Variants in CATSPERE observed in about 807,000 individuals in gnomAD.
The protein encoded by CATSPERE is catsper channel auxiliary subunit epsilon, also known as cation channel sperm-associated auxiliary subunit epsilon.
In CATSPERE, 93 loss-of-function variants were observed where a neutral mutation model predicts 114.1. That is an observed-to-expected ratio of 0.81 (90% CI 0.69 to 0.97). The LOEUF (loss-of-function observed/expected upper bound fraction) is 0.97. CATSPERE is among the 50% of genes least tolerant of loss of function. The pLI, the probability that CATSPERE is intolerant of heterozygous loss-of-function variation, is 0.00. For missense variants in CATSPERE, 1,058 were observed against 1,131.6 expected, an observed-to-expected ratio of 0.93 and a Z score of 0.93; for synonymous variants, 341 against 384.1, an observed-to-expected ratio of 0.89 and a Z score of 1.31.
At chr1:244,517,616 A>G (rs1676850932) in intron 7 of CATSPERE, among the ~76,000 whole-genome samples, 1 of 151,596 alleles carries the variant, frequency 6.6e-6, no homozygotes, top group Non-Finnish European at 1.5e-5. Context: ...TACCAAATAT[A>G]AAAAAAATTA....
rs1338167389 is a variant in CATSPERE, at chr1:244,601,791, A to G, written c.2304-3904A>G. ...AACATGGTGAAACCCCGTCTCTACT[A>G]AAAACATAGAAATTAGCCGGGCGTG... is the stretch of plus-strand genomic sequence containing the variant. On this transcript the variant is annotated intron_variant, in intron 17 of 21. Coordinates refer to ENST00000366534, the MANE Select transcript of CATSPERE (RefSeq NM_001130957.2). Among the ~76,000 whole-genome samples, 11 of 152,222 alleles carry G rather than the reference A, an allele frequency of 7.2e-5. No homozygotes were observed. In the East Asian group the frequency reaches 1.9e-3, roughly 27 times the overall value.
chr1:244,543,984 G>T (rs1659315513), intron 8 of CATSPERE, among the ~76,000 whole-genome samples: 1 of 151,954 alleles, frequency 6.6e-6, no homozygotes, highest in Non-Finnish European at 1.5e-5. Flanking sequence ...CAACATGAAA[G>T]TCAGATACCT....
chr1:244,461,621 T>G, intron 1 of CATSPERE, 127 bp downstream of exon 1: 2 of 680,314 alleles, frequency 2.9e-6, no homozygotes, highest in Non-Finnish European at 4.2e-6. Context: ...CTGCCTCGTC[T>G]CCTGGCTCCC....
chr1:244,586,218 C>A (rs1398586015), intron 13 of CATSPERE, among the ~76,000 whole-genome samples: 2 of 152,210 alleles, frequency 1.3e-5, no homozygotes, highest in African/African-American at 4.8e-5. Flanking sequence ...CACACTATAC[C>A]TGCAACTCCT....
intron 8 of CATSPERE, among the ~76,000 whole-genome samples, chr1:244,544,595 G>C (rs942214459): frequency 6.6e-6 from 1 of 152,158 alleles, no homozygotes; most frequent in Non-Finnish European, 1.5e-5. Flanking sequence ...CCTCTACCTT[G>C]GAAAATAGTA....
intron 3 of CATSPERE, 100 bp from the exon 4 acceptor site, chr1:244,477,806 C>T: frequency 9.8e-7 from 1 of 1,020,778 alleles, no homozygotes; most frequent in Non-Finnish European, 1.5e-6. Flanking sequence ...TATCTCTTAT[C>T]AGCATACAAT....
intron 8 of CATSPERE, among the ~76,000 whole-genome samples, chr1:244,544,478 A>C (rs909481449): frequency 6.6e-6 from 1 of 152,200 alleles, no homozygotes; most frequent in Non-Finnish European, 1.5e-5. Flanking sequence ...TCTAGGATGT[A>C]TACTTGGGAT....
At chr1:244,478,363 A>G (rs557936349) in intron 4 of CATSPERE, among the ~76,000 whole-genome samples, 30 of 152,368 alleles carry the variant, frequency 2.0e-4, no homozygotes, top group Non-Finnish European at 3.1e-4. Flanking sequence ...CTTCAACTGA[A>G]GAAAACATGA....
intron 14 of CATSPERE, among the ~76,000 whole-genome samples, chr1:244,591,227 A>C (rs957523412): frequency 2.6e-5 from 4 of 152,366 alleles, no homozygotes; most frequent in Admixed American, 2.6e-4. Flanking sequence ...GCTAGTTAAC[A>C]TATGTCTTAC....
At chr1:244,457,063 T>A (rs1231561754), upstream of CATSPERE, among the ~76,000 whole-genome samples, 1 of 152,208 alleles carries the variant, frequency 6.6e-6, no homozygotes, top group Non-Finnish European at 1.5e-5. Context: ...AAACTGAAGG[T>A]TTAAGCAAAG....
intron 21 of CATSPERE, 54 bp downstream of exon 21, chr1:244,635,596 G>A: frequency 7.1e-7 from 1 of 1,412,124 alleles, no homozygotes; most frequent in Non-Finnish European, 1.0e-6. Context: ...AGACACAAAT[G>A]GCAGCTAAGA....
Position 244,622,260 on chromosome 1 carries a change from T to C in CATSPERE, c.2648+4574T>C, listed in dbSNP as rs949528813. On this transcript the variant is annotated intron_variant, in intron 20 of 21. Coordinates refer to ENST00000366534, the MANE Select transcript of CATSPERE (RefSeq NM_001130957.2). Reference sequence around the variant, plus strand: ...AGGTAGAAAATAAGTACAGATACTATATTCCTAGTATCTATATGTGGTCCT... The same window carrying C: ...AGGTAGAAAATAAGTACAGATACTACATTCCTAGTATCTATATGTGGTCCT... Among the ~76,000 whole-genome samples, 11 of 152,346 alleles carry C rather than the reference T, an allele frequency of 7.2e-5. No individual in the cohort carries two copies. The South Asian group carries it at 2.3e-3, about 32-fold the overall frequency.
At chr1:244,584,073 C>T (rs1666664088) in intron 13 of CATSPERE, 134 bp downstream of exon 13, 3 of 553,784 alleles carry the variant, frequency 5.4e-6, no homozygotes, top group South Asian at 5.4e-5. Flanking sequence ...AGAGTACCAT[C>T]CTCCTATTAC....
At chr1:244,550,607 A>G (rs74410830) in intron 8 of CATSPERE, among the ~76,000 whole-genome samples, 6,995 of 152,296 alleles carry the variant, frequency 0.046, 207 homozygotes, top group Non-Finnish European at 0.064. Context: ...ACTGTGATTT[A>G]AGAAATTGTA....
chr1:244,573,920 A>C lies in CATSPERE; in HGVS notation c.1950+1148A>C, dbSNP rs1664856809. 6.6e-6 allele frequency among the ~76,000 whole-genome samples: 1 copy of C among 152,226 alleles called. No individual in the cohort carries two copies. The highest frequency in any genetic ancestry group is 2.1e-4 in the South Asian group (1 of 4,832). On this transcript the variant is annotated intron_variant, in intron 11 of 21. Transcript: ENST00000366534. This position sits in a 1 kb window ranked among gnomAD's most constrained non-coding sequence, Gnocchi z 4.0. ...TGTTCTTTGGTACTACAAGAAAAAAACAGCATTTAGACAAAAAATTTTCTT... is the reference window on the plus strand; with the variant it reads ...TGTTCTTTGGTACTACAAGAAAAAACCAGCATTTAGACAAAAAATTTTCTT...
At chr1:244,627,078 G>A (rs1348507690) in intron 20 of CATSPERE, among the ~76,000 whole-genome samples, 3 of 152,208 alleles carry the variant, frequency 2.0e-5, no homozygotes, top group South Asian at 2.1e-4. Flanking sequence ...ACTTGAACAC[G>A]TAGAGGCTAT....
chr1:244,596,497 G>A (rs1668450721), intron 17 of CATSPERE, among the ~76,000 whole-genome samples: 1 of 152,024 alleles, frequency 6.6e-6, no homozygotes. Context: ...CCAAGTGTGG[G>A]GTTCACCTGC....
chr1:244,606,923 C>T (rs997330091), intron 18 of CATSPERE, among the ~76,000 whole-genome samples: 2 of 151,992 alleles, frequency 1.3e-5, no homozygotes, highest in Non-Finnish European at 2.9e-5. Context: ...GTTATGTAAC[C>T]AAATACATCC....
At chr1:244,455,268 C>G in intron 1 of CATSPERE, among the ~76,000 whole-genome samples, 1 of 152,134 alleles carries the variant, frequency 6.6e-6, no homozygotes, top group Non-Finnish European at 1.5e-5. Flanking sequence ...CCCCCGCTCC[C>G]ATGAATAGCT....
Sources: gnomAD v4.1 joint callset for allele counts (sites outside exome capture counted in the v4.1 genomes callset) on GRCh38, gnomAD v4.1.1 for gene constraint, Gnocchi (gnomAD v3.1) non-coding constraint, MANE v1.5 for transcripts, NCBI Gene and HGNC (gene_info 2026-07-23, HGNC 2026-07-21) for gene names.